Variants in CFAP299 observed in about 807,000 individuals in gnomAD.
CFAP299 encodes cilia and flagella associated protein 299.
A neutral mutation model predicts 27.0 loss-of-function variants in CFAP299; 21 were observed. The observed-to-expected ratio is 0.78, with a 90% CI of 0.55 to 1.12. CFAP299 has a LOEUF of 1.12. Ranked by LOEUF, CFAP299 falls within the 50% of genes most tolerant of loss-of-function variation. CFAP299 has a pLI of 0.00. For synonymous variants in CFAP299, 104 were observed against 98.1 expected, an observed-to-expected ratio of 1.06 and a Z score of -0.36; for missense variants, 310 against 276.6, an observed-to-expected ratio of 1.12 and a Z score of -0.86.
chr4:80,880,806 G>T (rs1733664514), intron 4 of CFAP299, among the ~76,000 whole-genome samples: 1 of 152,094 alleles, frequency 6.6e-6, no homozygotes, highest in Non-Finnish European at 1.5e-5. Flanking sequence ...TTATCCATGT[G>T]GGTTCTTCCC....
chr4:80,841,376 T>C (rs1240425042), intron 3 of CFAP299, among the ~76,000 whole-genome samples: 3 of 152,080 alleles, frequency 2.0e-5, no homozygotes, highest in Admixed American at 2.0e-4. Flanking sequence ...AAAATGACCA[T>C]ACAAAAGTTC....
chr4:80,458,162 A>G (rs1259535836), intron 2 of CFAP299, among the ~76,000 whole-genome samples: 1 of 152,234 alleles, frequency 6.6e-6, no homozygotes, highest in Non-Finnish European at 1.5e-5. Context: ...CTTCATGGAA[A>G]GGAAAAGGAT....
intron 2 of CFAP299, among the ~76,000 whole-genome samples, chr4:80,424,873 TA>T (rs1450618478): frequency 6.6e-6 from 1 of 152,190 alleles, no homozygotes; most frequent in Non-Finnish European, 1.5e-5. Flanking sequence ...TTAATGGATT[TA>T]ATCAAATTGT....
intron 2 of CFAP299, among the ~76,000 whole-genome samples, chr4:80,392,900 A>G (rs6821990): frequency 0.62 from 94,580 of 152,074 alleles, 32,851 homozygotes; most frequent in Non-Finnish European, 0.76. Context: ...CCTTCTACTT[A>G]TTAAAAAAAG....
At chr4:80,806,225 AG>A (rs1217525828) in intron 3 of CFAP299, among the ~76,000 whole-genome samples, 2 of 152,206 alleles carry the variant, frequency 1.3e-5, no homozygotes, top group African/African-American at 4.8e-5. Flanking sequence ...GTCCTATTAA[AG>A]GGATTAATCC....
intron 4 of CFAP299, among the ~76,000 whole-genome samples, chr4:80,907,702 G>A (rs1735254098): frequency 6.6e-6 from 1 of 152,096 alleles, no homozygotes; most frequent in African/African-American, 2.4e-5. Context: ...ACAGCATGTG[G>A]GTAACTGCCC....
intron 3 of CFAP299, among the ~76,000 whole-genome samples, chr4:80,868,227 A>G (rs1247503408): frequency 6.7e-6 from 1 of 149,434 alleles, no homozygotes; most frequent in African/African-American, 2.5e-5. Flanking sequence ...TATATTTGCA[A>G]CTTTCTTTGA....
At chr4:80,583,749 A>G (rs1736290817) in intron 3 of CFAP299, among the ~76,000 whole-genome samples, 1 of 151,952 alleles carries the variant, frequency 6.6e-6, no homozygotes, top group Non-Finnish European at 1.5e-5. Context: ...TTACTTTCAC[A>G]CTTTGTTAAT....
At chr4:80,927,622 G>C (rs903902033) in intron 4 of CFAP299, among the ~76,000 whole-genome samples, 8 of 152,218 alleles carry the variant, frequency 5.3e-5, no homozygotes, top group African/African-American at 1.9e-4. Context: ...GGAGGAATCT[G>C]CTCCTAAATT....
At chr4:80,762,016 A>G (rs1725566725) in intron 3 of CFAP299, among the ~76,000 whole-genome samples, 2 of 152,022 alleles carry the variant, frequency 1.3e-5, no homozygotes, top group South Asian at 4.1e-4. Flanking sequence ...GTACATGTTT[A>G]TATGTGTTTG....
intron 3 of CFAP299, among the ~76,000 whole-genome samples, chr4:80,612,466 C>A (rs1486722306): frequency 1.3e-5 from 2 of 152,002 alleles, no homozygotes; most frequent in African/African-American, 2.4e-5. Flanking sequence ...TCTGTAGTAT[C>A]TATTTCAAGC....
At chr4:80,633,203 C>T (rs1220124513) in intron 3 of CFAP299, among the ~76,000 whole-genome samples, 1 of 152,144 alleles carries the variant, frequency 6.6e-6, no homozygotes, top group Admixed American at 6.5e-5. Flanking sequence ...AATCCCAACA[C>T]TTTGGGAGGC....
chr4:80,757,733 GTTT>G (rs367552882), intron 3 of CFAP299, among the ~76,000 whole-genome samples: 6,332 of 150,268 alleles, frequency 0.042, 319 homozygotes, highest in African/African-American at 0.12. Flanking sequence ...GTTTGGTTTG[GTTT>G]TTTTTTCATT....
intron 2 of CFAP299, among the ~76,000 whole-genome samples, chr4:80,403,397 C>T (rs748568994): frequency 3.3e-5 from 5 of 152,308 alleles, no homozygotes; most frequent in Admixed American, 6.5e-5. Flanking sequence ...GCTGTTATCC[C>T]TAAGTTTAAA....
chr4:80,679,959 A>T (rs1205017362), intron 3 of CFAP299, among the ~76,000 whole-genome samples: 1 of 152,040 alleles, frequency 6.6e-6, no homozygotes, highest in Non-Finnish European at 1.5e-5. Flanking sequence ...GATCCAGTTT[A>T]TGGGAACACC....
At position 80,629,887 on chromosome 4, in the gene CFAP299, A is replaced by AT. The variant is rs1375161287; in HGVS notation, c.333+46704_333+46705insT. On this transcript the variant is annotated intron_variant, in intron 3 of 5. Transcript: ENST00000358105. ...CTGTATCTGGAAAAAAAAAAAAACA[A>AT]AAAAAACAAAAAAAACCCAGAAAAA... is the stretch of plus-strand genomic sequence containing the variant. 4.6e-5 allele frequency among the ~76,000 whole-genome samples: 7 copies of AT among 150,988 alleles called. No homozygotes were observed. In the East Asian group the frequency reaches 1.4e-3, roughly 29 times the overall value.
At chr4:80,541,847 AG>A (rs1393374716) in intron 2 of CFAP299, among the ~76,000 whole-genome samples, 1 of 152,168 alleles carries the variant, frequency 6.6e-6, no homozygotes, top group Non-Finnish European at 1.5e-5. Flanking sequence ...ATAATGTTGT[AG>A]GAGTTTCAAG....
chr4:80,450,888 CGT>C (rs35096997), intron 2 of CFAP299, among the ~76,000 whole-genome samples: 13 of 145,692 alleles, frequency 8.9e-5, no homozygotes, highest in Non-Finnish European at 1.5e-4. Flanking sequence ...GGATTAATAC[CGT>C]GTGTGTGTGT....
At position 80,335,759 on chromosome 4, in the gene CFAP299, G is replaced by A; in HGVS notation, c.-10G>A. The A allele has an allele frequency of 6.4e-7, 1 of 1,573,522 alleles. No homozygotes were observed. The highest frequency in any genetic ancestry group is 8.7e-7 in the Non-Finnish European group (1 of 1,143,106). Reference sequence around the variant, plus strand: ...CCGTTGCTAGGGACGCTTCGGCCGAGGATACCGCAATGGATCAGGAAGAGG... The same window carrying A: ...CCGTTGCTAGGGACGCTTCGGCCGAAGATACCGCAATGGATCAGGAAGAGG... On this transcript the variant is annotated 5_prime_UTR_variant, in exon 1 of 6. Transcript: ENST00000358105.
Sources: gnomAD v4.1 joint callset for allele counts (sites outside exome capture counted in the v4.1 genomes callset) on GRCh38, gnomAD v4.1.1 for gene constraint, MANE v1.5 for transcripts, NCBI Gene and HGNC (gene_info 2026-07-23, HGNC 2026-07-21) for gene names.